Variants in GNAI1 observed in about 807,000 individuals in gnomAD.
GNAI1 encodes G protein subunit alpha i1, also known as guanine nucleotide-binding protein G(i) subunit alpha-1.
In GNAI1, 11 loss-of-function variants were observed where a neutral mutation model predicts 38.9. The ratio of observed to expected loss-of-function variants is 0.28; its 90% CI spans 0.18 to 0.47. The LOEUF (loss-of-function observed/expected upper bound fraction) is 0.47. Among genes scored for constraint, GNAI1 ranks in the 20% least tolerant of loss-of-function variants. The probability of loss-of-function intolerance (pLI) is 0.99; values close to 1 mark genes in which losing one functional copy is unlikely to be tolerated. For missense variants in GNAI1, 317 were observed against 436.9 expected, an observed-to-expected ratio of 0.73 and a Z score of 2.45; for synonymous variants, 166 against 145.1, an observed-to-expected ratio of 1.14 and a Z score of -1.04.
intron 1 of GNAI1, among the ~76,000 whole-genome samples, chr7:80,173,485 C>T (rs1215927172): frequency 6.6e-6 from 1 of 152,086 alleles, no homozygotes; most frequent in Non-Finnish European, 1.5e-5. Context: ...ATGCTTAAGC[C>T]TTAGTCCTGT....
chr7:80,137,687 T>A, intron 1 of GNAI1, among the ~76,000 whole-genome samples: 1 of 152,198 alleles, frequency 6.6e-6, no homozygotes. Flanking sequence ...TTTAGAAATC[T>A]TTAAGTGACT....
rs773309878 is a variant in GNAI1, at chr7:80,217,296, A to G, written c.875-7A>G. The G allele has an allele frequency of 2.0e-6, 3 of 1,500,712 alleles. No homozygotes were observed. In the South Asian group the frequency reaches 3.9e-5, roughly 20 times the overall value. 93.0% of individuals were successfully genotyped at this position (1,500,712 alleles called of 1,614,324 possible). Reference sequence around the variant, plus strand: ...GCATTTATGTTTCTTTCCTTTTTCCATCTCAGGATCAAACACATATGAAGA... The same window carrying G: ...GCATTTATGTTTCTTTCCTTTTTCCGTCTCAGGATCAAACACATATGAAGA... On this transcript the variant is annotated splice_region_variant and splice_polypyrimidine_tract_variant and intron_variant, in intron 7 of 7. Transcript: ENST00000649796.
intron 1 of GNAI1, chr7:80,135,648 A>ACCGCCC (rs1390569443): frequency 2.6e-5 from 1 of 38,294 alleles, no homozygotes; most frequent in African/African-American, 1.2e-4. Flanking sequence ...AAATGAAAAC[A>ACCGCCC]CCCCCCCCCC....
chr7:80,190,385 T>C (rs1478993815), intron 3 of GNAI1, among the ~76,000 whole-genome samples: 7 of 152,058 alleles, frequency 4.6e-5, no homozygotes, highest in Admixed American at 4.6e-4. Context: ...TTTAAATAAT[T>C]TATACATTTA....
intron 3 of GNAI1, among the ~76,000 whole-genome samples, chr7:80,192,529 A>C (rs568243836): frequency 1.3e-5 from 2 of 152,244 alleles, no homozygotes; most frequent in Non-Finnish European, 2.9e-5. Context: ...TTACTAAGCT[A>C]TTCAACCTCC....
chr7:80,217,119 A>G (rs1292260957), intron 7 of GNAI1, among the ~76,000 whole-genome samples, 184 bp from the exon 8 acceptor site: 1 of 150,696 alleles, frequency 6.6e-6, no homozygotes. Context: ...GGTAATTAAC[A>G]TGGAGTGTTT....
Position 80,219,027 on chromosome 7 carries a change from TTG to T in GNAI1, c.*1566_*1567del, listed in dbSNP as rs57485323. ...GTGTTGTCACTGGGTTGAAGTATATTTGTGTGTGTGTGTGTGTGTGTGTGTGT... is the reference window on the plus strand; with the variant it reads ...GTGTTGTCACTGGGTTGAAGTATATTTGTGTGTGTGTGTGTGTGTGTGTGT... On this transcript the variant is annotated 3_prime_UTR_variant, in exon 8 of 8. Transcript: ENST00000649796. 0.058 allele frequency: 8,470 copies of T among 145,914 alleles called. 819 individuals carry two copies. The highest frequency in any genetic ancestry group is 0.2 in the African/African-American group (7,940 of 39,310). The allele number at this position is 145,914 out of a possible 1,614,324, so 9.0% of individuals were successfully genotyped here.
intron 3 of GNAI1, 32 bp from the exon 4 acceptor site, chr7:80,199,193 T>C (rs1300128602): frequency 1.3e-6 from 2 of 1,536,668 alleles, no homozygotes; most frequent in Non-Finnish European, 1.8e-6. Context: ...ACGTATCCCT[T>C]TTTACTTAAA....
chr7:80,176,972 G>GCT (rs1788193268), intron 1 of GNAI1, among the ~76,000 whole-genome samples: 1 of 146,432 alleles, frequency 6.8e-6, no homozygotes, highest in African/African-American at 2.5e-5. Flanking sequence ...TACTAAGTCT[G>GCT]CTGTGCCTGT....
chr7:80,142,619 T>G (rs1014379378), intron 1 of GNAI1, among the ~76,000 whole-genome samples: 2 of 152,250 alleles, frequency 1.3e-5, no homozygotes, highest in Non-Finnish European at 2.9e-5. Flanking sequence ...TAATTGTTGG[T>G]TAAATTAATG....
At chr7:80,135,613 A>C in intron 1 of GNAI1, 1 of 245,440 alleles carries the variant, frequency 4.1e-6, no homozygotes, top group East Asian at 7.9e-5. Context: ...AGCCTTGTAA[A>C]GATGAAGGGG....
chr7:80,184,579 T>TCACC (rs1013566772), intron 1 of GNAI1, among the ~76,000 whole-genome samples: 4 of 152,220 alleles, frequency 2.6e-5, no homozygotes, highest in Non-Finnish European at 4.4e-5. Context: ...TTGAGCTCAC[T>TCACC]CACCCATCTC....
intron 1 of GNAI1, among the ~76,000 whole-genome samples, chr7:80,151,053 G>A (rs907586745): frequency 2.0e-5 from 3 of 152,108 alleles, no homozygotes; most frequent in Non-Finnish European, 4.4e-5. Context: ...GAATTCAGGA[G>A]CCTCTGTGGT....
chr7:80,157,107 C>T (rs1379519263), intron 1 of GNAI1, among the ~76,000 whole-genome samples: 2 of 152,284 alleles, frequency 1.3e-5, no homozygotes, highest in East Asian at 1.9e-4. Context: ...CTGTACTCCT[C>T]GTATTTATTC....
chr7:80,200,822 A>G (rs78260462), intron 4 of GNAI1, among the ~76,000 whole-genome samples: 4,751 of 152,258 alleles, frequency 0.031, 149 homozygotes, highest in African/African-American at 0.084. Flanking sequence ...ATATAACATA[A>G]ACATATTGAA....
intron 3 of GNAI1, among the ~76,000 whole-genome samples, chr7:80,195,349 C>T (rs568475440): frequency 1.4e-4 from 22 of 151,886 alleles, no homozygotes; most frequent in African/African-American, 4.8e-4. Context: ...TTTTTCCCCC[C>T]TTTTAAGTAT....
At chr7:80,145,367 TGTG>T (rs1209048714) in intron 1 of GNAI1, among the ~76,000 whole-genome samples, 4 of 152,140 alleles carry the variant, frequency 2.6e-5, no homozygotes, top group Admixed American at 1.3e-4. Context: ...AAAGAGGTAA[TGTG>T]GTGTTTATTC....
chr7:80,161,943 A>G (rs1186760523), intron 1 of GNAI1, among the ~76,000 whole-genome samples: 3 of 152,172 alleles, frequency 2.0e-5, no homozygotes, highest in East Asian at 3.9e-4. Flanking sequence ...TAAAGGATCT[A>G]TAAATACCAG....
intron 1 of GNAI1, among the ~76,000 whole-genome samples, chr7:80,136,224 T>G (rs569148402): frequency 1.3e-5 from 2 of 152,174 alleles, no homozygotes; most frequent in African/African-American, 4.8e-5. Context: ...CAGGTTAAGA[T>G]TCGTGAGTTA....
Sources: gnomAD v4.1 joint callset for allele counts (sites outside exome capture counted in the v4.1 genomes callset) on GRCh38, gnomAD v4.1.1 for gene constraint, MANE v1.5 for transcripts, NCBI Gene and HGNC (gene_info 2026-07-23, HGNC 2026-07-21) for gene names.